SLC25A26: variants seen among roughly 807,000 people sequenced by gnomAD.
SLC25A26 encodes mitochondrial S-adenosylmethionine carrier protein.
Under a neutral mutation model 37.8 loss-of-function variants are expected in SLC25A26, and 36 were observed. The observed-to-expected ratio is 0.95, with a 90% confidence interval of 0.73 to 1.26. The LOEUF is 1.26. Among genes scored for constraint, SLC25A26 ranks in the 50% most tolerant of loss-of-function variants. SLC25A26 has a pLI of 0.00. For synonymous variants in SLC25A26, 129 were observed against 122.5 expected (o/e 1.05, Z -0.35); for missense variants, 390 against 331.1 (o/e 1.18, Z -1.38).
At chr3:66,264,617 A>G (rs571933938) in intron 5 of SLC25A26, among the ~76,000 whole-genome samples, 1 of 152,328 alleles carries the variant, frequency 6.6e-6, no homozygotes, top group East Asian at 1.9e-4. Flanking sequence ...AATCTAATGC[A>G]TGATGATCGG....
chr3:66,216,371 G>A (rs941948850), upstream of SLC25A26, among the ~76,000 whole-genome samples: 2 of 152,142 alleles, frequency 1.3e-5, no homozygotes, highest in African/African-American at 4.8e-5. Context: ...AATTAGCTAG[G>A]TGTTGTGGCA....
At chr3:66,209,955 T>C (rs1455781254) in intron 1 of SLC25A26, among the ~76,000 whole-genome samples, 1 of 107,150 alleles carries the variant, frequency 9.3e-6, no homozygotes, top group Non-Finnish European at 1.9e-5. Context: ...TATGCAGTAG[T>C]TTCCTGGGGG....
intron 1 of SLC25A26, among the ~76,000 whole-genome samples, chr3:66,135,778 A>G (rs2069937491): frequency 6.6e-6 from 1 of 152,232 alleles, no homozygotes; most frequent in Admixed American, 6.5e-5. Context: ...CAATAAAAAA[A>G]TAAAGTAAAA....
intron 2 of SLC25A26, among the ~76,000 whole-genome samples, chr3:66,238,510 G>A (rs1009201650): frequency 3.9e-5 from 6 of 152,024 alleles, no homozygotes; most frequent in Non-Finnish European, 7.4e-5. Context: ...AGCCTCCTGA[G>A]TAGCTGGGAT....
intron 5 of SLC25A26, among the ~76,000 whole-genome samples, chr3:66,276,023 A>G (rs912040747): frequency 1.3e-5 from 2 of 152,126 alleles, no homozygotes; most frequent in African/African-American, 4.8e-5. Flanking sequence ...TGAAGGTCAA[A>G]TGTAGTTTTT....
intron 3 of SLC25A26, among the ~76,000 whole-genome samples, chr3:66,247,860 G>A (rs183758098): frequency 5.9e-5 from 9 of 152,218 alleles, no homozygotes; most frequent in East Asian, 5.8e-4. Context: ...AAGTATGGTT[G>A]CCAAGATTAA....
chr3:66,177,801 C>T (rs138739720), intron 1 of SLC25A26, among the ~76,000 whole-genome samples: 25 of 152,288 alleles, frequency 1.6e-4, no homozygotes, highest in South Asian at 4.1e-4. Flanking sequence ...ATCTACTATG[C>T]GCTGGAATTT....
intron 5 of SLC25A26, among the ~76,000 whole-genome samples, chr3:66,289,050 T>C: frequency 6.6e-6 from 1 of 152,222 alleles, no homozygotes; most frequent in East Asian, 1.9e-4. Flanking sequence ...CTCATTGTGG[T>C]TTTAATTTGC....
At chr3:66,304,162 A>C (rs565926764) in intron 5 of SLC25A26, among the ~76,000 whole-genome samples, 5 of 152,176 alleles carry the variant, frequency 3.3e-5, no homozygotes, top group Non-Finnish European at 7.3e-5. Flanking sequence ...GGGGGAACTT[A>C]ATTAAATCTG....
intron 1 of SLC25A26, among the ~76,000 whole-genome samples, chr3:66,184,585 C>CTGCTCACCTTGGGTTTACTATGTATTACA (rs2070779897): frequency 7.8e-6 from 1 of 128,136 alleles, no homozygotes; most frequent in Non-Finnish European, 1.7e-5. Context: ...TCACCTGACT[C>CTGCTCACCTTGGGTTTACTATGTATTACA]TGCTCACCTT....
chr3:66,165,206 C>T (rs985373296), intron 1 of SLC25A26, among the ~76,000 whole-genome samples: 43 of 152,308 alleles, frequency 2.8e-4, no homozygotes, highest in African/African-American at 9.6e-4. Flanking sequence ...CTTCAACTTG[C>T]CAGTCATGCG....
intron 1 of SLC25A26, among the ~76,000 whole-genome samples, chr3:66,194,714 G>T (rs1053103946): frequency 3.9e-5 from 6 of 152,192 alleles, no homozygotes; most frequent in Non-Finnish European, 7.3e-5. Context: ...TGATTCTCCT[G>T]AGTCAGCCTC....
intron 5 of SLC25A26, among the ~76,000 whole-genome samples, chr3:66,310,393 C>T (rs2075343641): frequency 6.6e-6 from 1 of 152,136 alleles, no homozygotes; most frequent in South Asian, 2.1e-4. Flanking sequence ...CTATTTGTGT[C>T]TTTGCATGTG....
rs144682004 is a variant in SLC25A26 at position 66,225,223 on chromosome 3, T to C, written c.33+4096T>C. Among the ~76,000 whole-genome samples, 1,197 of 152,260 alleles carry C rather than the reference T, an allele frequency of 7.9e-3. 17 individuals are homozygous for C. The highest frequency in any genetic ancestry group is 0.027 in the African/African-American group (1,115 of 41,544). On this transcript the variant is annotated intron_variant, in intron 1 of 9. Coordinates refer to ENST00000354883, the MANE Select transcript of SLC25A26 (RefSeq NM_001379210.1). Reference sequence around the variant, plus strand: ...AGGTTCTCTAGGAGAGCCCCACCCCTGCAGCACACCTCGGCCTGGACATCC... The same window carrying C: ...AGGTTCTCTAGGAGAGCCCCACCCCCGCAGCACACCTCGGCCTGGACATCC...
At chr3:66,213,805 C>A (rs2071320624) in intron 1 of SLC25A26, among the ~76,000 whole-genome samples, 1 of 152,042 alleles carries the variant, frequency 6.6e-6, no homozygotes, top group Admixed American at 6.6e-5. Context: ...CCCACAATAT[C>A]TGTAGTCCTA....
At chr3:66,311,258 G>A (rs1224438361) in intron 5 of SLC25A26, among the ~76,000 whole-genome samples, 2 of 151,842 alleles carry the variant, frequency 1.3e-5, no homozygotes, top group African/African-American at 2.4e-5. Flanking sequence ...GTCTCTGATA[G>A]CCTTTCTTCT....
intron 1 of SLC25A26, among the ~76,000 whole-genome samples, chr3:66,212,162 A>T (rs2071292548): frequency 6.6e-6 from 1 of 152,124 alleles, no homozygotes; most frequent in Admixed American, 6.6e-5. Flanking sequence ...TCCAGGCTGG[A>T]GTGCACTGGT....
chr3:66,361,983 A>G (rs1281183100), intron 6 of SLC25A26, among the ~76,000 whole-genome samples: 4 of 151,340 alleles, frequency 2.6e-5, no homozygotes. Flanking sequence ...AAAAAAAAAG[A>G]AGAAAGAAAG....
intron 1 of SLC25A26, among the ~76,000 whole-genome samples, chr3:66,147,171 T>C (rs2070131623): frequency 6.9e-6 from 1 of 144,226 alleles, no homozygotes; most frequent in African/African-American, 2.6e-5. Flanking sequence ...CTTTTCTCTT[T>C]TCTTTTTTTC....
Sources: allele counts gnomAD v4.1 joint callset (sites outside exome capture counted in the v4.1 genomes callset), GRCh38; gene constraint gnomAD v4.1.1; transcripts MANE v1.5; gene names NCBI Gene and HGNC (gene_info 2026-07-23, HGNC 2026-07-21).